Variants in DDHD2 observed in about 807,000 individuals in gnomAD.
DDHD2 encodes DDHD domain containing 2.
Under a neutral mutation model 91.2 loss-of-function variants are expected in DDHD2, and 62 were observed. The observed-to-expected ratio is 0.68, with a 90% CI of 0.55 to 0.84. The LOEUF (loss-of-function observed/expected upper bound fraction) is 0.84. Among genes scored for constraint, DDHD2 ranks in the 40% least tolerant of loss-of-function variants. The pLI is 0.00. For synonymous variants in DDHD2, 271 were observed against 293.9 expected (o/e 0.92, Z 0.80); for missense variants, 740 against 846.9 (o/e 0.87, Z 1.57).
In DDHD2 at chr8:38,253,113, C is replaced by T; in HGVS notation, c.1877C>T (p.Ser626Leu). 1 of 1,613,772 alleles carries T rather than the reference C, an allele frequency of 6.2e-7. No homozygotes were observed. Among genetic ancestry groups the T allele is most frequent in the Non-Finnish European group, 8.5e-7 (1 of 1,179,822 alleles). The change falls in exon 15 of 18, where the codon TCA becomes TTA. Residue 626 changes from serine (S) to leucine (L), a missense_variant. By Grantham distance (145) the Ser-to-Leu change is moderately radical. Coordinates refer to ENST00000397166, the MANE Select transcript of DDHD2 (RefSeq NM_015214.3). The part of the protein sequence containing the change: ...EETEAEPEST[S>L]EKPSDVNTEE... ...ACTGAAGCAGAACCTGAATCAACTT[C>T]AGAGAAGCCTAGTGGTCAGTGACAC...
intron 7 of DDHD2, among the ~76,000 whole-genome samples, chr8:38,244,598 C>CA (rs1387030283): frequency 6.6e-6 from 1 of 150,568 alleles, no homozygotes; most frequent in Non-Finnish European, 1.5e-5. Flanking sequence ...CAGAGTCTTG[C>CA]ACTGTTGCCT....
At chr8:38,253,483 TGAG>T in intron 15 of DDHD2, 70 bp from the exon 16 acceptor site, 4 of 1,314,512 alleles carry the variant, frequency 3.0e-6, no homozygotes, top group Admixed American at 2.2e-5. Flanking sequence ...ACTTGGAGTG[TGAG>T]GAGAAGTTAA....
rs1804549297 is a variant in DDHD2 at position 38,234,526 on chromosome 8, AG to A, written c.358del (p.Asp120ThrfsTer17). 4.3e-6 allele frequency: 7 copies of A among 1,612,904 alleles called. No homozygotes were observed. The highest frequency in any genetic ancestry group is 5.9e-6 in the Non-Finnish European group (7 of 1,179,856). On this transcript the variant is annotated frameshift_variant, in exon 3 of 18. Coordinates refer to ENST00000397166, the MANE Select transcript of DDHD2 (RefSeq NM_015214.3). LOFTEE classifies it high-confidence loss of function. Reference protein sequence around the residue: ...SEVRRCTWFYKGDKDNKYVPY... With the variant: ...SEVRRCTWFYXGDKDNKYVPY... Reference sequence around the variant, plus strand: ...GTGAGACGATGTACGTGGTTTTACAAGGGGGACAAAGACAATAAGTATGTTC... The same window carrying A: ...GTGAGACGATGTACGTGGTTTTACAAGGGGACAAAGACAATAAGTATGTTC...
chr8:38,237,467 A>G lies in DDHD2; in HGVS notation c.412-71A>G, dbSNP rs1585705213. Reference sequence around the variant, plus strand: ...TTATTGAAACTCATTAATACATAGTATTCTTGTTAATAGGTTCAGTTTAAT... The same window carrying G: ...TTATTGAAACTCATTAATACATAGTGTTCTTGTTAATAGGTTCAGTTTAAT... On this transcript the variant is annotated intron_variant, in intron 3 of 17. Coordinates refer to ENST00000397166, the MANE Select transcript of DDHD2 (RefSeq NM_015214.3). 5.7e-6 allele frequency: 4 copies of G among 702,214 alleles called. No homozygotes were observed. In the East Asian group the frequency reaches 8.2e-5, roughly 14 times the overall value. 43.5% of individuals were successfully genotyped at this position (702,214 alleles called of 1,614,324 possible).
At chr8:38,255,664 A>AT (rs1295550281) in intron 16 of DDHD2, among the ~76,000 whole-genome samples, 2 of 151,824 alleles carry the variant, frequency 1.3e-5, no homozygotes, top group African/African-American at 4.8e-5. Context: ...ATATCTTGGC[A>AT]TTTTTTAACC....
Position 38,244,785 on chromosome 8 carries a change from C to T in DDHD2, c.849-957C>T, listed in dbSNP as rs553101578. Among the ~76,000 whole-genome samples the T allele has an allele frequency of 4.1e-4, 56 of 137,584 alleles. No homozygotes were observed. In the South Asian group the frequency reaches 6.6e-3, roughly 16 times the overall value. The allele number at this position is 137,584 out of a possible 152,430, so 90.3% of individuals were successfully genotyped here. A position where few individuals can be genotyped will look rare whatever the true frequency, so the allele number is the denominator to read the frequency against. ...TTCACTCTGTTGGACAGACTGGTCT[C>T]GAACTTTGGACCTCGTGATCTGCCC... is the stretch of plus-strand genomic sequence containing the variant. On this transcript the variant is annotated intron_variant, in intron 7 of 17. Coordinates refer to ENST00000397166, the MANE Select transcript of DDHD2 (RefSeq NM_015214.3).
At chr8:38,235,433 A>G (rs2130750243) in intron 3 of DDHD2, among the ~76,000 whole-genome samples, 1 of 152,208 alleles carries the variant, frequency 6.6e-6, no homozygotes, top group South Asian at 2.1e-4. Context: ...AAAAAAAGAA[A>G]AAAATACTCC....
At chr8:38,236,361 G>GTTTTT (rs2130759473) in intron 3 of DDHD2, among the ~76,000 whole-genome samples, 1 of 144,444 alleles carries the variant, frequency 6.9e-6, no homozygotes, top group African/African-American at 2.6e-5. Flanking sequence ...TTTTGTTTTT[G>GTTTTT]TTTTTGTTTT....
intron 5 of DDHD2, chr8:38,238,451 A>C: frequency 1.6e-6 from 2 of 1,225,100 alleles, no homozygotes; most frequent in Non-Finnish European, 2.1e-6. Context: ...GAAGTCACTA[A>C]GTACAGATGA....
At chr8:38,272,930 T>A (rs919002623), downstream of DDHD2, 2 of 152,228 alleles carry the variant, frequency 1.3e-5, no homozygotes, top group Non-Finnish European at 2.9e-5. Context: ...AGGTCAACAT[T>A]GACGCTATGG....
Position 38,239,548 on chromosome 8 carries a change from G to A in DDHD2, c.623-727G>A, listed in dbSNP as rs376346850. Reference sequence around the variant, plus strand: ...TAAAACTACAAAAAATTAGCCAGGTGTGGTGGCGTGTGCGTGTAGTCCCAA... The same window carrying A: ...TAAAACTACAAAAAATTAGCCAGGTATGGTGGCGTGTGCGTGTAGTCCCAA... On this transcript the variant is annotated intron_variant, in intron 5 of 17. Transcript: ENST00000397166. 9.9e-4 allele frequency among the ~76,000 whole-genome samples: 148 copies of A among 149,584 alleles called. 2 individuals are homozygous for A. In the Middle Eastern group the frequency reaches 0.014, roughly 14 times the overall value.
At chr8:38,233,666 C>G (rs1182608659) in intron 2 of DDHD2, among the ~76,000 whole-genome samples, 1 of 151,874 alleles carries the variant, frequency 6.6e-6, no homozygotes, top group Admixed American at 6.6e-5. Flanking sequence ...CAGTGGCTCA[C>G]ACCTGTAATC....
intron 10 of DDHD2, 47 bp from the exon 11 acceptor site, chr8:38,249,661 A>T: frequency 5.6e-6 from 8 of 1,416,574 alleles, no homozygotes; most frequent in Non-Finnish European, 7.9e-6. Context: ...GACAGGATTG[A>T]TTTTATTTTG....
chr8:38,238,022 A>C, intron 4 of DDHD2, 67 bp from the exon 5 acceptor site: 1 of 1,453,744 alleles, frequency 6.9e-7, no homozygotes, highest in South Asian at 1.5e-5. Context: ...TCTACACTTA[A>C]AACTGCATTG....
Position 38,234,439 on chromosome 8 carries a change from A to G in DDHD2, c.266A>G (p.Tyr89Cys). ...GTTGTTCCTACTGATGGGGGCAGAT[A>G]TGATGTTCATTTGGGGGAGAGGATG... ...GRVVPTDGGR[Y>C]DVHLGERMRY... The change falls in exon 3 of 18, where the codon TAT becomes TGT. Residue 89 changes from tyrosine (Y) to cysteine (C), a missense_variant. By Grantham distance (194) the Tyr-to-Cys change is radical. Coordinates refer to ENST00000397166, the MANE Select transcript of DDHD2 (RefSeq NM_015214.3). The G allele has an allele frequency of 6.2e-7, 1 of 1,611,120 alleles. No homozygotes were observed. Among genetic ancestry groups the G allele is most frequent in the Non-Finnish European group, 8.5e-7 (1 of 1,179,538 alleles).
At chr8:38,247,597 A>G (rs535939757) in intron 9 of DDHD2, 116 bp from the exon 10 acceptor site, 10 of 609,474 alleles carry the variant, frequency 1.6e-5, no homozygotes, top group African/African-American at 9.6e-5. Flanking sequence ...ATAAATGACA[A>G]TTTGTTAAAG....
intron 12 of DDHD2, 47 bp from the exon 13 acceptor site, chr8:38,252,085 G>A (rs1272942292): frequency 5.0e-6 from 8 of 1,612,556 alleles, no homozygotes; most frequent in African/African-American, 1.3e-5. Flanking sequence ...AGAAACAGAT[G>A]TAACTTTTGT....
intron 1 of DDHD2, chr8:38,269,092 G>A (rs2130960502): frequency 6.5e-7 from 1 of 1,527,196 alleles, no homozygotes; most frequent in Non-Finnish European, 8.8e-7. Flanking sequence ...CTGGGAAGCG[G>A]GGCCGCCCGG....
At chr8:38,269,143 C>A in intron 1 of DDHD2, 1 of 1,517,262 alleles carries the variant, frequency 6.6e-7, no homozygotes. Context: ...CCGCGAACAG[C>A]GCGAGCCGCA....
Sources: allele counts gnomAD v4.1 joint callset (sites outside exome capture counted in the v4.1 genomes callset), GRCh38; gene constraint gnomAD v4.1.1; transcripts MANE v1.5; gene names NCBI Gene and HGNC (gene_info 2026-07-23, HGNC 2026-07-21).